Variants in ADCY8 observed in about 807,000 individuals in gnomAD.
ADCY8 encodes the protein adenylate cyclase type 8.
A neutral mutation model predicts 119.7 loss-of-function variants in ADCY8; 51 were observed. The observed-to-expected ratio is 0.43, with a 90% CI of 0.34 to 0.54. The LOEUF (loss-of-function observed/expected upper bound fraction) is 0.54. Ranked by LOEUF, ADCY8 falls within the 20% of genes least tolerant of loss-of-function variation. The probability of loss-of-function intolerance (pLI) is 0.03; values close to 1 mark genes in which losing one functional copy is unlikely to be tolerated. For missense variants in ADCY8, 1,383 were observed against 1,598.8 expected (o/e 0.87, Z 2.30); for synonymous variants, 665 against 651.0 (o/e 1.02, Z -0.33).
intron 6 of ADCY8, among the ~76,000 whole-genome samples, chr8:130,904,320 T>C (rs576699509): frequency 3.5e-4 from 53 of 152,348 alleles, no homozygotes; most frequent in African/African-American, 1.3e-3. Context: ...TTTTGGCTTT[T>C]CTTATGATTG....
At chr8:131,028,581 G>A (rs973155223) in intron 1 of ADCY8, among the ~76,000 whole-genome samples, 3 of 151,770 alleles carry the variant, frequency 2.0e-5, no homozygotes, top group South Asian at 2.1e-4. Flanking sequence ...ACTCATGACC[G>A]TTTTTGGGAC....
chr8:131,040,504 T>A lies in ADCY8; in HGVS notation c.-171A>T. On this transcript the variant is annotated 5_prime_UTR_variant, in exon 1 of 18. Coordinates refer to ENST00000286355, the MANE Select transcript of ADCY8 (RefSeq NM_001115.3). ...GCTCCCTGTAGGTCGGGTCATACTG[T>A]GCCCAGGGGCAAAGGGCACCTGGAA... The A allele has an allele frequency of 1.4e-6, 1 of 722,344 alleles. No individual in the cohort carries two copies. The highest frequency in any genetic ancestry group is 1.9e-6 in the Non-Finnish European group (1 of 512,852). The allele number at this position is 722,344 out of a possible 1,614,324, so 44.7% of individuals were successfully genotyped here.
intron 3 of ADCY8, among the ~76,000 whole-genome samples, chr8:130,944,494 T>G (rs1302399457): frequency 6.6e-6 from 1 of 152,132 alleles, no homozygotes; most frequent in African/African-American, 2.4e-5. Context: ...AGCCTATGAG[T>G]GTAATTTAGT....
chr8:130,998,494 A>G (rs200503264), intron 1 of ADCY8, among the ~76,000 whole-genome samples: 1 of 152,122 alleles, frequency 6.6e-6, no homozygotes, highest in Admixed American at 6.5e-5. Flanking sequence ...CAGACTCTGA[A>G]AGGTCTCAAA....
At chr8:131,032,370 A>G (rs1249154839) in intron 1 of ADCY8, among the ~76,000 whole-genome samples, 1 of 152,212 alleles carries the variant, frequency 6.6e-6, no homozygotes, top group Non-Finnish European at 1.5e-5. Context: ...TAAAGTACAA[A>G]GTATTTCATA....
intron 8 of ADCY8, among the ~76,000 whole-genome samples, chr8:130,878,289 T>C (rs1287186435): frequency 6.6e-6 from 1 of 152,154 alleles, no homozygotes; most frequent in Non-Finnish European, 1.5e-5. Flanking sequence ...GACAGAAAGA[T>C]ATCAACTTGT....
intron 7 of ADCY8, among the ~76,000 whole-genome samples, chr8:130,902,414 T>A (rs1316292904): frequency 6.6e-6 from 1 of 152,184 alleles, no homozygotes; most frequent in Non-Finnish European, 1.5e-5. Context: ...GTGTGCATAA[T>A]AATTTTTGGG....
chr8:130,922,732 G>A (rs552144086), intron 5 of ADCY8, among the ~76,000 whole-genome samples: 3 of 152,138 alleles, frequency 2.0e-5, no homozygotes, highest in South Asian at 2.1e-4. Flanking sequence ...GGTACACCTC[G>A]CAGACGGGGT....
At chr8:130,847,653 G>A (rs1292663295) in intron 10 of ADCY8, 140 bp from the exon 11 acceptor site, 2 of 635,318 alleles carry the variant, frequency 3.1e-6, no homozygotes, top group Non-Finnish European at 5.5e-6. Flanking sequence ...ACCCTAGAGG[G>A]GACTTGAAGT....
intron 9 of ADCY8, among the ~76,000 whole-genome samples, chr8:130,853,094 G>A (rs953256333): frequency 2.0e-5 from 3 of 152,194 alleles, no homozygotes; most frequent in African/African-American, 7.2e-5. Flanking sequence ...AAACTATCGG[G>A]GGTGCTCAGT....
intron 7 of ADCY8, among the ~76,000 whole-genome samples, chr8:130,889,832 C>T (rs1819120097): frequency 6.6e-6 from 1 of 152,134 alleles, no homozygotes; most frequent in South Asian, 2.1e-4. Flanking sequence ...TAAGTAATTA[C>T]TCATTTTATG....
chr8:130,788,084 C>T (rs751328008), intron 15 of ADCY8, among the ~76,000 whole-genome samples: 8 of 152,198 alleles, frequency 5.3e-5, no homozygotes, highest in Admixed American at 3.9e-4. Flanking sequence ...GCTATAAACT[C>T]ACATACAATA....
chr8:131,000,963 G>A (rs965075757), intron 1 of ADCY8, among the ~76,000 whole-genome samples: 2 of 152,074 alleles, frequency 1.3e-5, no homozygotes, highest in African/African-American at 4.8e-5. Context: ...GTCTTCAAAT[G>A]CATCGTAAAA....
At chr8:131,029,275 G>T (rs544871758) in intron 1 of ADCY8, among the ~76,000 whole-genome samples, 1 of 152,166 alleles carries the variant, frequency 6.6e-6, no homozygotes, top group Non-Finnish European at 1.5e-5. Flanking sequence ...GGTGTGACTT[G>T]TACAATAATT....
At chr8:130,846,778 C>CCT (rs1554606195) in intron 11 of ADCY8, among the ~76,000 whole-genome samples, 1 of 80,426 alleles carries the variant, frequency 1.2e-5, no homozygotes, top group African/African-American at 5.8e-5. Flanking sequence ...TTCCTTCCTT[C>CCT]TCCTTCCTTC....
intron 3 of ADCY8, among the ~76,000 whole-genome samples, chr8:130,944,603 T>A (rs1222436436): frequency 2.6e-5 from 4 of 152,218 alleles, no homozygotes; most frequent in Non-Finnish European, 4.4e-5. Context: ...TCATCTCCTT[T>A]ACAAACCCTT....
rs777093757 is a variant in ADCY8, at chr8:131,040,083, GACAGCT to G, written c.245_250del (p.Gln82_Ser84delinsPro). ...GTAGAGGGGCAGCGCCGAGTCGCCT[GACAGCT>G]GCGGCGCGTGGTGGTTGGGGCCGCC... is the stretch of plus-strand genomic sequence containing the variant. On this transcript the variant is annotated inframe_deletion, in exon 1 of 18. Coordinates refer to ENST00000286355, the MANE Select transcript of ADCY8 (RefSeq NM_001115.3). 2.6e-6 allele frequency: 4 copies of G among 1,533,172 alleles called. No individual in the cohort carries two copies. Among genetic ancestry groups the G allele is most frequent in the Non-Finnish European group, 3.5e-6 (4 of 1,145,566 alleles). 95.0% of individuals were successfully genotyped at this position (1,533,172 alleles called of 1,614,324 possible).
chr8:130,846,532 C>G (rs1400998245), intron 11 of ADCY8, among the ~76,000 whole-genome samples: 1 of 125,580 alleles, frequency 8.0e-6, no homozygotes, highest in African/African-American at 3.6e-5. Context: ...CCCTCCCTCC[C>G]TTCCTTCCTT....
At chr8:130,885,450 C>A (rs562645053) in intron 7 of ADCY8, among the ~76,000 whole-genome samples, 1 of 151,942 alleles carries the variant, frequency 6.6e-6, no homozygotes, top group African/African-American at 2.4e-5. Flanking sequence ...TTACACAGCA[C>A]GAGACGGGGA....
Sources: allele counts gnomAD v4.1 joint callset (sites outside exome capture counted in the v4.1 genomes callset), GRCh38; gene constraint gnomAD v4.1.1; transcripts MANE v1.5; gene names NCBI Gene and HGNC (gene_info 2026-07-23, HGNC 2026-07-21).